Variants in BMP5 observed in about 807,000 individuals in gnomAD.
The protein encoded by BMP5 is bone morphogenetic protein 5.
In BMP5, 23 loss-of-function variants were observed where a neutral mutation model predicts 46.6. The ratio of observed to expected loss-of-function variants is 0.49; its 90% confidence interval spans 0.35 to 0.70. The LOEUF is 0.70. Among genes scored for constraint, BMP5 ranks in the 30% least tolerant of loss-of-function variants. BMP5 has a pLI of 0.00. For synonymous variants in BMP5, 204 were observed against 191.9 expected (o/e 1.06, Z -0.52); for missense variants, 545 against 565.6 (o/e 0.96, Z 0.37).
At chr6:55,817,910 TGAGTCC>T (rs929474456) in intron 2 of BMP5, among the ~76,000 whole-genome samples, 6 of 152,194 alleles carry the variant, frequency 3.9e-5, no homozygotes, top group African/African-American at 1.4e-4. Flanking sequence ...GAAACCCTGA[TGAGTCC>T]ATCATATTGA....
At chr6:55,863,207 T>C (rs1416739823) in intron 1 of BMP5, among the ~76,000 whole-genome samples, 1 of 152,206 alleles carries the variant, frequency 6.6e-6, no homozygotes, top group Non-Finnish European at 1.5e-5. Flanking sequence ...TTGAGGGCTA[T>C]ATACTGCGGT....
chr6:55,763,159 T>C (rs1170359366), intron 4 of BMP5, among the ~76,000 whole-genome samples: 2 of 152,086 alleles, frequency 1.3e-5, no homozygotes, highest in Middle Eastern at 3.2e-3. Context: ...TTTGTCTTAA[T>C]TAAAAATATT....
In BMP5 at chr6:55,759,028, T is replaced by C. The variant is rs754857723; in HGVS notation, c.1192A>G (p.Asn398Asp). ...FPLNAHMNAT[N>D]HAIVQTLVHL... ...ACCAGAGTCTGAACTATAGCGTGGTTGGTGGCATTCATATGGGCGTTAAGT... is the reference window on the plus strand; with the variant it reads ...ACCAGAGTCTGAACTATAGCGTGGTCGGTGGCATTCATATGGGCGTTAAGT... The change falls in exon 6 of 7, where the codon AAC (asparagine) becomes GAC (aspartate). Residue 398 changes from asparagine (N) to aspartate (D), a missense_variant. Physicochemically the swap from Asn to Asp is conservative, Grantham distance 23. Transcript: ENST00000370830. The C allele has an allele frequency of 6.2e-7, 1 of 1,609,858 alleles. No homozygotes were observed. Among genetic ancestry groups the C allele is most frequent in the Non-Finnish European group, 8.5e-7 (1 of 1,177,216 alleles).
chr6:55,757,365 G>C (rs114807737), intron 6 of BMP5, among the ~76,000 whole-genome samples: 3 of 151,864 alleles, frequency 2.0e-5, no homozygotes, highest in African/African-American at 7.2e-5. Flanking sequence ...TCAACTGATA[G>C]GAGTTATTCT....
chr6:55,822,372 T>C (rs1003700346), intron 1 of BMP5, among the ~76,000 whole-genome samples: 2 of 152,156 alleles, frequency 1.3e-5, no homozygotes, highest in Non-Finnish European at 2.9e-5. Context: ...TATCCCAGTT[T>C]CTATAAATAT....
At chr6:55,809,462 C>T (rs947739007) in intron 2 of BMP5, among the ~76,000 whole-genome samples, 4 of 151,774 alleles carry the variant, frequency 2.6e-5, no homozygotes, top group Non-Finnish European at 5.9e-5. Context: ...CTCAGTTCTA[C>T]TGGAGAAAAA....
rs369502468 is a variant in BMP5 at position 55,859,992 on chromosome 6, G to T, written c.490+14384C>A. ...TCAGACAACACCTCTGAAAAGGACA[G>T]AGAAATGTTTTGGTGGCTCATGCCT... On this transcript the variant is annotated intron_variant, in intron 1 of 6. Transcript: ENST00000370830. 5.9e-5 allele frequency among the ~76,000 whole-genome samples: 9 copies of T among 152,362 alleles called. No individual in the cohort carries two copies. In the East Asian group the frequency reaches 1.7e-3, roughly 29 times the overall value.
At chr6:55,802,697 T>G (rs1227366904) in intron 2 of BMP5, among the ~76,000 whole-genome samples, 1 of 152,046 alleles carries the variant, frequency 6.6e-6, no homozygotes, top group African/African-American at 2.4e-5. Context: ...TATTTTGAAA[T>G]TAATATATTT....
At chr6:55,811,750 A>G (rs979523099) in intron 2 of BMP5, among the ~76,000 whole-genome samples, 3 of 151,048 alleles carry the variant, frequency 2.0e-5, no homozygotes, top group African/African-American at 4.9e-5. Flanking sequence ...TTGCCTATGG[A>G]AACTTCCTAC....
At chr6:55,772,685 C>G (rs996002911) in intron 4 of BMP5, 1 of 857,750 alleles carries the variant, frequency 1.2e-6, no homozygotes, top group Non-Finnish European at 1.4e-6. Context: ...TAATAAGGCA[C>G]TAGTGTCATG....
intron 1 of BMP5, among the ~76,000 whole-genome samples, chr6:55,855,911 C>T (rs955887347): frequency 6.6e-6 from 1 of 152,004 alleles, no homozygotes; most frequent in African/African-American, 2.4e-5. Context: ...CATAATCTGC[C>T]TCTGTAATTT....
intron 2 of BMP5, among the ~76,000 whole-genome samples, chr6:55,810,040 T>C (rs1776089955): frequency 6.6e-6 from 1 of 152,182 alleles, no homozygotes; most frequent in South Asian, 2.1e-4. Flanking sequence ...CATCATATTA[T>C]TCAAGAGACT....
At chr6:55,818,396 G>C (rs1412708444) in intron 2 of BMP5, among the ~76,000 whole-genome samples, 1 of 151,672 alleles carries the variant, frequency 6.6e-6, no homozygotes, top group Non-Finnish European at 1.5e-5. Context: ...TCACTGTTTT[G>C]TTTTTCTGTT....
chr6:55,754,307 C>G lies in BMP5; in HGVS notation c.*1226G>C, dbSNP rs1386365640. On this transcript the variant is annotated 3_prime_UTR_variant, in exon 7 of 7. Transcript: ENST00000370830. Reference sequence around the variant, plus strand: ...AATAAATTAATTTTAGAGGGAAGAACACACATGCACACACAGACACACACA... The same window carrying G: ...AATAAATTAATTTTAGAGGGAAGAAGACACATGCACACACAGACACACACA... 1.2e-5 allele frequency: 1 copy of G among 81,002 alleles called. No homozygotes were observed. Among genetic ancestry groups the G allele is most frequent in the Non-Finnish European group, 2.3e-5 (1 of 43,268 alleles). 5.0% of individuals were successfully genotyped at this position (81,002 alleles called of 1,614,324 possible).
chr6:55,835,367 G>A (rs892028236), intron 1 of BMP5, among the ~76,000 whole-genome samples: 14 of 152,212 alleles, frequency 9.2e-5, no homozygotes, highest in African/African-American at 3.1e-4. Context: ...TCCTAACTGA[G>A]CAGAAATTAT....
chr6:55,854,152 T>C (rs1777326453), intron 1 of BMP5, among the ~76,000 whole-genome samples: 2 of 152,230 alleles, frequency 1.3e-5, no homozygotes, highest in South Asian at 2.1e-4. Flanking sequence ...GTTTAAGACA[T>C]TTTCTACTTT....
intron 1 of BMP5, among the ~76,000 whole-genome samples, chr6:55,872,451 C>T (rs1457297190): frequency 2.6e-5 from 4 of 151,460 alleles, no homozygotes; most frequent in African/African-American, 7.2e-5. Context: ...AGGCAATAAA[C>T]TAATAAACTG....
At chr6:55,798,068 C>T (rs954894037) in intron 2 of BMP5, among the ~76,000 whole-genome samples, 5 of 152,180 alleles carry the variant, frequency 3.3e-5, no homozygotes, top group Non-Finnish European at 7.3e-5. Flanking sequence ...CTCTCCTTGG[C>T]TTGTAGACTG....
At chr6:55,846,649 A>G (rs1171526003) in intron 1 of BMP5, among the ~76,000 whole-genome samples, 1 of 151,882 alleles carries the variant, frequency 6.6e-6, no homozygotes, top group Non-Finnish European at 1.5e-5. Flanking sequence ...ACACTAATTT[A>G]TATGCTCAAA....
Sources: allele counts gnomAD v4.1 joint callset (sites outside exome capture counted in the v4.1 genomes callset), GRCh38; gene constraint gnomAD v4.1.1; transcripts MANE v1.5; gene names NCBI Gene and HGNC (gene_info 2026-07-23, HGNC 2026-07-21).